Variants in EPHB1 observed in about 807,000 individuals in gnomAD.
EPHB1 encodes EPH receptor B1.
In EPHB1, 30 loss-of-function variants were observed where a neutral mutation model predicts 94.4. The observed-to-expected ratio is 0.32, with a 90% CI of 0.24 to 0.43. The LOEUF is 0.43. Ranked by LOEUF, EPHB1 falls within the 20% of genes least tolerant of loss-of-function variation. The pLI, the probability that EPHB1 is intolerant of heterozygous loss-of-function variation, is 1.00. For missense variants in EPHB1, 1,055 were observed against 1,308.3 expected, an observed-to-expected ratio of 0.81 and a Z score of 2.99; for synonymous variants, 522 against 489.1, an observed-to-expected ratio of 1.07 and a Z score of -0.89.
intron 3 of EPHB1, among the ~76,000 whole-genome samples, chr3:135,030,998 C>G (rs1405502693): frequency 5.9e-5 from 9 of 152,166 alleles, no homozygotes; most frequent in Admixed American, 5.2e-4. Context: ...AGGTGCCGTC[C>G]ATCACCCCTT....
At chr3:135,203,978 A>G (rs1942828648) in intron 12 of EPHB1, among the ~76,000 whole-genome samples, 1 of 152,030 alleles carries the variant, frequency 6.6e-6, no homozygotes, top group Non-Finnish European at 1.5e-5. Flanking sequence ...AATTTCACAT[A>G]TGTCTACTTT....
chr3:135,199,780 A>G (rs1942709650), intron 11 of EPHB1, among the ~76,000 whole-genome samples: 1 of 152,224 alleles, frequency 6.6e-6, no homozygotes, highest in Admixed American at 6.5e-5. Flanking sequence ...TCATTGTTAG[A>G]CTTTTTGATT....
At chr3:135,161,801 G>C (rs1941514328) in intron 6 of EPHB1, among the ~76,000 whole-genome samples, 1 of 152,036 alleles carries the variant, frequency 6.6e-6, no homozygotes, top group African/African-American at 2.4e-5. Flanking sequence ...CCTTTTTTCA[G>C]AGTGTGGCCA....
chr3:134,966,496 C>T (rs374908288), intron 3 of EPHB1, among the ~76,000 whole-genome samples: 4 of 152,224 alleles, frequency 2.6e-5, no homozygotes, highest in African/African-American at 9.6e-5. Flanking sequence ...GTCTTTTTTA[C>T]TCACTCAATA....
intron 1 of EPHB1, among the ~76,000 whole-genome samples, chr3:134,817,657 T>C (rs559615040): frequency 6.6e-6 from 1 of 152,352 alleles, no homozygotes; most frequent in Admixed American, 6.5e-5. Context: ...GGGGATGATG[T>C]GGTCCAACCT....
intron 3 of EPHB1, among the ~76,000 whole-genome samples, chr3:135,091,620 C>G (rs975739784): frequency 3.3e-5 from 5 of 152,130 alleles, no homozygotes; most frequent in Non-Finnish European, 7.3e-5. Flanking sequence ...TCACCAAACT[C>G]TGGGGTGAGG....
intron 4 of EPHB1, 137 bp from the exon 5 acceptor site, chr3:135,132,577 A>T (rs72977587): frequency 0.014 from 9,823 of 688,658 alleles, 111 homozygotes; most frequent in African/African-American, 0.039. Context: ...GAATTGAAGC[A>T]TAGCCATTTG....
At chr3:135,061,879 C>A (rs988271543) in intron 3 of EPHB1, among the ~76,000 whole-genome samples, 2 of 151,986 alleles carry the variant, frequency 1.3e-5, no homozygotes, top group African/African-American at 4.8e-5. Flanking sequence ...TAGTTTGCTG[C>A]GAATGATGGT....
intron 1 of EPHB1, among the ~76,000 whole-genome samples, chr3:134,862,082 C>T (rs1304603705): frequency 6.6e-6 from 1 of 152,016 alleles, no homozygotes; most frequent in African/African-American, 2.4e-5. Flanking sequence ...CCTTCCTGTG[C>T]CCCTGTGCTC....
At chr3:134,973,691 C>A (rs1934073802) in intron 3 of EPHB1, among the ~76,000 whole-genome samples, 1 of 152,062 alleles carries the variant, frequency 6.6e-6, no homozygotes, top group African/African-American at 2.4e-5. Flanking sequence ...CTTGGCCTCC[C>A]AAAGTGCTAG....
rs1367587879 is a variant in EPHB1, at chr3:135,192,863, A to C, written c.2130+40A>C. 3 of 1,600,214 alleles carry C rather than the reference A, an allele frequency of 1.9e-6. No homozygotes were observed. In the South Asian group the frequency reaches 3.4e-5, roughly 18 times the overall value. On this transcript the variant is annotated intron_variant, in intron 11 of 15. Transcript: ENST00000398015. Reference sequence around the variant, plus strand: ...GGGGTTTGATGATGCACTTGGATGCAGGTGAATGATGGCTGGGGAGAGGGG... The same window carrying C: ...GGGGTTTGATGATGCACTTGGATGCCGGTGAATGATGGCTGGGGAGAGGGG...
intron 1 of EPHB1, among the ~76,000 whole-genome samples, chr3:134,851,905 C>T (rs2036993328): frequency 6.6e-6 from 1 of 152,276 alleles, no homozygotes; most frequent in Non-Finnish European, 1.5e-5. Context: ...TTCCCAGGCC[C>T]TGGAGGCCTG....
intron 8 of EPHB1, 77 bp downstream of exon 8, chr3:135,166,153 A>G: frequency 9.3e-7 from 1 of 1,074,300 alleles, no homozygotes; most frequent in African/African-American, 1.5e-5. Flanking sequence ...GGCTGCGTGG[A>G]TCAGATAGGG....
At chr3:134,829,312 A>C (rs989471638) in intron 1 of EPHB1, among the ~76,000 whole-genome samples, 1 of 151,784 alleles carries the variant, frequency 6.6e-6, no homozygotes, top group African/African-American at 2.4e-5. Context: ...AAATCATGAG[A>C]GTTTCCTCTC....
intron 10 of EPHB1, among the ~76,000 whole-genome samples, chr3:135,185,213 G>T (rs1942298365): frequency 6.6e-6 from 1 of 152,256 alleles, no homozygotes; most frequent in African/African-American, 2.4e-5. Context: ...ATGAGGGAAT[G>T]TGTGATATGT....
At chr3:134,914,747 A>T (rs1303682132) in intron 1 of EPHB1, among the ~76,000 whole-genome samples, 1 of 152,182 alleles carries the variant, frequency 6.6e-6, no homozygotes, top group Non-Finnish European at 1.5e-5. Flanking sequence ...AACAAGAATG[A>T]CAAAGCACTC....
chr3:135,186,757 T>C (rs567960869), intron 10 of EPHB1, among the ~76,000 whole-genome samples: 2 of 152,334 alleles, frequency 1.3e-5, no homozygotes, highest in Non-Finnish European at 2.9e-5. Flanking sequence ...AAGCACTTTT[T>C]CTCTCTTCCT....
intron 1 of EPHB1, among the ~76,000 whole-genome samples, chr3:134,923,199 C>T (rs2038723115): frequency 6.6e-6 from 1 of 152,198 alleles, no homozygotes; most frequent in South Asian, 2.1e-4. Flanking sequence ...CGACTCAATC[C>T]GAACACAAAC....
intron 3 of EPHB1, among the ~76,000 whole-genome samples, chr3:135,099,492 G>A (rs374792881): frequency 4.6e-5 from 7 of 152,312 alleles, no homozygotes; most frequent in East Asian, 3.9e-4. Context: ...TCCTGGGGCT[G>A]TTCAGGAAAA....
Sources: gnomAD v4.1 joint callset for allele counts (sites outside exome capture counted in the v4.1 genomes callset) on GRCh38, gnomAD v4.1.1 for gene constraint, MANE v1.5 for transcripts, NCBI Gene and HGNC (gene_info 2026-07-23, HGNC 2026-07-21) for gene names.